The following ERCC6L2 variants were observed in gnomAD, a reference collection of about 807,000 sequenced individuals.
The protein encoded by ERCC6L2 is ERCC excision repair 6 like 2.
In ERCC6L2, 77 loss-of-function variants were observed where a neutral mutation model predicts 132.0. The ratio of observed to expected loss-of-function variants is 0.58; its 90% CI spans 0.49 to 0.71. ERCC6L2 has a LOEUF of 0.71. Among genes scored for constraint, ERCC6L2 ranks in the 30% least tolerant of loss-of-function variants. The pLI, the probability that ERCC6L2 is intolerant of heterozygous loss-of-function variation, is 0.00. For missense variants in ERCC6L2, 1,542 were observed against 1,837.6 expected (o/e 0.84, Z 2.94); for synonymous variants, 583 against 632.4 (o/e 0.92, Z 1.17).
intron 19 of ERCC6L2, among the ~76,000 whole-genome samples, chr9:96,032,117 G>A (rs1164707615): frequency 6.6e-6 from 1 of 152,050 alleles, no homozygotes; most frequent in Non-Finnish European, 1.5e-5. Flanking sequence ...CTGTGGCTGG[G>A]TATCCCCGGC....
chr9:95,965,716 G>A (rs1479391381), intron 13 of ERCC6L2, among the ~76,000 whole-genome samples: 1 of 152,016 alleles, frequency 6.6e-6, no homozygotes, highest in Non-Finnish European at 1.5e-5. Flanking sequence ...CGTCGACCAG[G>A]TTGGGCTCTG....
At chr9:95,990,097 A>T (rs1359532024) in intron 17 of ERCC6L2, among the ~76,000 whole-genome samples, 1 of 152,212 alleles carries the variant, frequency 6.6e-6, no homozygotes, top group East Asian at 1.9e-4. Flanking sequence ...TGTTAAACTG[A>T]CCTGAACAGA....
intron 9 of ERCC6L2, among the ~76,000 whole-genome samples, chr9:95,926,154 A>G (rs1830091527): frequency 6.6e-6 from 1 of 152,210 alleles, no homozygotes; most frequent in Non-Finnish European, 1.5e-5. Context: ...GCAAAATGGT[A>G]TAGTCACTTT....
At chr9:95,939,464 A>G (rs1281150182) in intron 11 of ERCC6L2, among the ~76,000 whole-genome samples, 1 of 152,136 alleles carries the variant, frequency 6.6e-6, no homozygotes, top group African/African-American at 2.4e-5. Context: ...CACTTGAAAG[A>G]TAATGCCACT....
intron 19 of ERCC6L2, among the ~76,000 whole-genome samples, chr9:96,029,075 T>C (rs1434681130): frequency 7.9e-5 from 12 of 151,962 alleles, no homozygotes; most frequent in Admixed American, 2.0e-4. Context: ...GAGGTCAAGG[T>C]GGGCGGATCA....
At chr9:95,950,014 CAAA>C (rs80349353) in intron 12 of ERCC6L2, among the ~76,000 whole-genome samples, 3 of 68,604 alleles carry the variant, frequency 4.4e-5, no homozygotes, top group Admixed American at 1.6e-4. Flanking sequence ...GACTCCGTCT[CAAA>C]AAAAAAAAAA....
intron 12 of ERCC6L2, among the ~76,000 whole-genome samples, chr9:95,949,093 T>A (rs1161258956): frequency 6.6e-6 from 1 of 152,002 alleles, no homozygotes; most frequent in Admixed American, 6.6e-5. Context: ...ATTTTGGAAT[T>A]GAAAAATTCA....
At chr9:95,958,198 T>C (rs1308074116) in intron 13 of ERCC6L2, among the ~76,000 whole-genome samples, 1 of 152,128 alleles carries the variant, frequency 6.6e-6, no homozygotes, top group Non-Finnish European at 1.5e-5. Context: ...ACAAAGGACA[T>C]GAACTCATCA....
chr9:95,887,693 A>G (rs975125004), intron 2 of ERCC6L2, among the ~76,000 whole-genome samples: 5 of 152,192 alleles, frequency 3.3e-5, no homozygotes, highest in African/African-American at 9.6e-5. Flanking sequence ...CTTGAGAGAA[A>G]TGGGATTGCT....
chr9:96,023,150 G>C (rs1308328719), downstream of ERCC6L2, among the ~76,000 whole-genome samples: 2 of 152,120 alleles, frequency 1.3e-5, no homozygotes, highest in Non-Finnish European at 2.9e-5. Flanking sequence ...TTCCTGCCTA[G>C]GAACTAGCAG....
intron 7 of ERCC6L2, among the ~76,000 whole-genome samples, chr9:95,921,685 G>A (rs148772279): frequency 6.6e-5 from 10 of 152,232 alleles, no homozygotes; most frequent in African/African-American, 1.2e-4. Context: ...CTATTCTGAT[G>A]TTAGATATAG....
intron 19 of ERCC6L2, among the ~76,000 whole-genome samples, chr9:96,024,101 C>T (rs1243342201): frequency 6.6e-6 from 1 of 152,176 alleles, no homozygotes; most frequent in South Asian, 2.1e-4. Flanking sequence ...AGAAGGGAAC[C>T]GAAATGACCA....
intron 17 of ERCC6L2, among the ~76,000 whole-genome samples, chr9:95,985,703 T>G (rs888442409): frequency 1.4e-4 from 22 of 152,166 alleles, no homozygotes; most frequent in African/African-American, 5.1e-4. Context: ...TTGTGTCCTT[T>G]CCGTAGTATA....
At chr9:95,941,409 G>C (rs760003158) in intron 11 of ERCC6L2, 45 bp from the exon 12 acceptor site, 1 of 1,419,128 alleles carries the variant, frequency 7.0e-7, no homozygotes, top group Admixed American at 1.8e-5. Flanking sequence ...ACAACAGTTA[G>C]TTTTTGCTGT....
intron 4 of ERCC6L2, among the ~76,000 whole-genome samples, chr9:95,911,173 G>T (rs1205289273): frequency 7.9e-5 from 12 of 152,288 alleles, no homozygotes; most frequent in African/African-American, 2.9e-4. Context: ...GGGATTATAG[G>T]TGGGAGTCAC....
chr9:95,899,741 G>A (rs1828672333), intron 3 of ERCC6L2, among the ~76,000 whole-genome samples: 1 of 151,736 alleles, frequency 6.6e-6, no homozygotes, highest in Non-Finnish European at 1.5e-5. Flanking sequence ...CAAAATGTGT[G>A]GATTCTCAAG....
rs535380557 is a variant in ERCC6L2 at position 95,981,747 on chromosome 9, G to C, written c.3492+3532G>C. On this transcript the variant is annotated intron_variant, in intron 17 of 18. Transcript: ENST00000653738. ...TGAAAGTATGTCACGGAGCTGAACTGTACCTGTTTGTGATGTGATACCTCC... is the reference window on the plus strand; with the variant it reads ...TGAAAGTATGTCACGGAGCTGAACTCTACCTGTTTGTGATGTGATACCTCC... Among the ~76,000 whole-genome samples, 3 of 152,240 alleles carry C rather than the reference G, an allele frequency of 2.0e-5. No homozygotes were observed. In the South Asian group the frequency reaches 6.2e-4, roughly 32 times the overall value.
intron 18 of ERCC6L2, among the ~76,000 whole-genome samples, chr9:96,006,020 A>G (rs1833851642): frequency 6.6e-6 from 1 of 152,196 alleles, no homozygotes; most frequent in Admixed American, 6.5e-5. Context: ...CAAGAGAGGA[A>G]AAAATTCAGG....
intron 17 of ERCC6L2, among the ~76,000 whole-genome samples, chr9:96,001,147 T>C (rs1234839353): frequency 6.6e-6 from 1 of 152,084 alleles, no homozygotes; most frequent in Non-Finnish European, 1.5e-5. Context: ...TGCAGATCTT[T>C]GCGGTGAGTG....
Sources: gnomAD v4.1 joint callset for allele counts (sites outside exome capture counted in the v4.1 genomes callset) on GRCh38, gnomAD v4.1.1 for gene constraint, MANE v1.5 for transcripts, NCBI Gene and HGNC (gene_info 2026-07-23, HGNC 2026-07-21) for gene names.